EIPR1: variants seen among roughly 807,000 people sequenced by gnomAD.
EIPR1 encodes EARP complex and GARP complex interacting protein 1.
In EIPR1, 25 loss-of-function variants were observed where a neutral mutation model predicts 48.1. The observed-to-expected ratio is 0.52, with a 90% CI of 0.38 to 0.73. The LOEUF (loss-of-function observed/expected upper bound fraction) is 0.73, where lower values mean the gene tolerates loss of function less well. Among genes scored for constraint, EIPR1 ranks in the 30% least tolerant of loss-of-function variants. The pLI, the probability that EIPR1 is intolerant of heterozygous loss-of-function variation, is 0.00. For synonymous variants in EIPR1, 204 were observed against 201.9 expected (o/e 1.01, Z -0.09); for missense variants, 415 against 506.2 (o/e 0.82, Z 1.73).
chr2:3,264,988 A>G (rs1051809426), intron 3 of EIPR1, among the ~76,000 whole-genome samples: 1 of 152,210 alleles, frequency 6.6e-6, no homozygotes, highest in Non-Finnish European at 1.5e-5. Flanking sequence ...CCTGGCCCCA[A>G]TGCATTTTTC....
intron 4 of EIPR1, among the ~76,000 whole-genome samples, chr2:3,227,157 C>CAGA (rs3038687): frequency 0.91 from 137,875 of 151,990 alleles, 63,010 homozygotes; most frequent in East Asian, 0.98. Context: ...TTGGAGAGCT[C>CAGA]AGAAGACAGG....
At chr2:3,311,808 G>A (rs1355562740) in intron 3 of EIPR1, among the ~76,000 whole-genome samples, 6 of 151,748 alleles carry the variant, frequency 4.0e-5, no homozygotes, top group Non-Finnish European at 8.8e-5. Context: ...GGGGTGCTGG[G>A]CGGGGGGGCT....
chr2:3,189,280 A>C lies in EIPR1; in HGVS notation c.*54T>G. On this transcript the variant is annotated 3_prime_UTR_variant, in exon 9 of 9. Coordinates refer to ENST00000382125, the MANE Select transcript of EIPR1 (RefSeq NM_003310.5). This position sits in a 1 kb window ranked among gnomAD's most constrained non-coding sequence, Gnocchi z 4.6. ...CTCCAAAGAGCTGCGACTGTTTGAG[A>C]ATCTGCCAAGAGGAAAACCACTCAA... is the stretch of plus-strand genomic sequence containing the variant. 2.1e-6 allele frequency: 3 copies of C among 1,461,590 alleles called. No homozygotes were observed. In the Admixed American group the frequency reaches 6.6e-5, roughly 32 times the overall value. The allele number at this position is 1,461,590 out of a possible 1,614,324, so 90.5% of individuals were successfully genotyped here.
chr2:3,353,404 A>G (rs1284670942), intron 2 of EIPR1: 1 of 436,048 alleles, frequency 2.3e-6, no homozygotes, highest in African/African-American at 2.1e-5. Context: ...CATCCCACCA[A>G]ATCATCTAAC....
At chr2:3,235,522 G>C (rs938107141) in intron 4 of EIPR1, among the ~76,000 whole-genome samples, 1 of 152,218 alleles carries the variant, frequency 6.6e-6, no homozygotes, top group African/African-American at 2.4e-5. Flanking sequence ...GCTCAAGTGG[G>C]CCAGGTCCTT....
intron 4 of EIPR1, among the ~76,000 whole-genome samples, chr2:3,254,907 T>C (rs1667107006): frequency 6.6e-6 from 1 of 152,244 alleles, no homozygotes; most frequent in Non-Finnish European, 1.5e-5. Flanking sequence ...GCCAGTTTCC[T>C]GTTTGTGATA....
intron 3 of EIPR1, chr2:3,301,123 GAC>G (rs1668750697): frequency 6.6e-6 from 1 of 152,136 alleles, no homozygotes; most frequent in Non-Finnish European, 1.5e-5. Flanking sequence ...TTTGGGAAAT[GAC>G]AGTTTCTTTG....
Position 3,325,151 on chromosome 2 carries a change from C to T in EIPR1, c.259+12866G>A, listed in dbSNP as rs908100003. On this transcript the variant is annotated intron_variant, in intron 3 of 8. Transcript: ENST00000382125. ...AACTGGGCCCAAAAAGGAAAGTTGA[C>T]GAGAAGGCCAAGCTCTGGGCTCCCT... is the stretch of plus-strand genomic sequence containing the variant. Among the ~76,000 whole-genome samples the T allele has an allele frequency of 6.6e-5, 10 of 152,324 alleles. No individual in the cohort carries two copies. In the East Asian group the frequency reaches 9.7e-4, roughly 15 times the overall value.
At chr2:3,233,296 G>A (rs753950385) in intron 4 of EIPR1, among the ~76,000 whole-genome samples, 21 of 151,798 alleles carry the variant, frequency 1.4e-4, no homozygotes, top group Non-Finnish European at 2.2e-4. Context: ...GAATTCTATC[G>A]TGTGAATTTC....
chr2:3,226,959 T>G (rs2103159217), intron 4 of EIPR1, among the ~76,000 whole-genome samples: 1 of 152,362 alleles, frequency 6.6e-6, no homozygotes, highest in Non-Finnish European at 1.5e-5. Context: ...CCCAGCCCTG[T>G]GGAACTGTAA....
chr2:3,263,131 G>C (rs1667384467), intron 3 of EIPR1, among the ~76,000 whole-genome samples: 1 of 152,226 alleles, frequency 6.6e-6, no homozygotes, highest in African/African-American at 2.4e-5. Flanking sequence ...GGCGCTGTCA[G>C]ACGGCTACGC....
chr2:3,332,370 C>A (rs893860216), intron 3 of EIPR1, among the ~76,000 whole-genome samples: 1 of 152,182 alleles, frequency 6.6e-6, no homozygotes, highest in Admixed American at 6.5e-5. Context: ...AAGGGAGAAA[C>A]CCCAAGAGAA....
At position 3,336,960 on chromosome 2, in the gene EIPR1, G is replaced by T. The variant is rs541807568; in HGVS notation, c.259+1057C>A. ...AAAGGGAAGGGAAGGGAAGAGAAAAGGGAAAGGAAGGGAAAAGGGAAGGGA... is the reference window on the plus strand; with the variant it reads ...AAAGGGAAGGGAAGGGAAGAGAAAATGGAAAGGAAGGGAAAAGGGAAGGGA... On this transcript the variant is annotated intron_variant, in intron 3 of 8. Transcript: ENST00000382125. Among the ~76,000 whole-genome samples, 86 of 129,280 alleles carry T rather than the reference G, an allele frequency of 6.7e-4. 2 individuals carry two copies. The highest frequency in any genetic ancestry group is 2.6e-3 in the African/African-American group (83 of 32,144). 84.8% of individuals were successfully genotyped at this position (129,280 alleles called of 152,430 possible).
intron 4 of EIPR1, among the ~76,000 whole-genome samples, chr2:3,219,702 G>A (rs1355156500): frequency 7.0e-6 from 1 of 143,412 alleles, no homozygotes; most frequent in Non-Finnish European, 1.5e-5. Context: ...CACAACCCTG[G>A]TATACTCTAG....
intron 4 of EIPR1, among the ~76,000 whole-genome samples, chr2:3,247,590 T>C (rs1666871970): frequency 6.6e-6 from 1 of 152,186 alleles, no homozygotes; most frequent in Non-Finnish European, 1.5e-5. Context: ...AGGGCACTGG[T>C]GTAAACATGA....
At chr2:3,375,058 T>G (rs1459448930) in intron 1 of EIPR1, among the ~76,000 whole-genome samples, 2 of 150,264 alleles carry the variant, frequency 1.3e-5, no homozygotes, top group South Asian at 2.1e-4. Flanking sequence ...CCATAAAAAA[T>G]GATGAGTTCA....
chr2:3,211,508 C>T (rs562050187), intron 5 of EIPR1, among the ~76,000 whole-genome samples: 3 of 152,296 alleles, frequency 2.0e-5, no homozygotes, highest in East Asian at 3.9e-4. Flanking sequence ...CTGGACATGG[C>T]GTTGGCTGCA....
chr2:3,309,772 T>C (rs7606684), intron 3 of EIPR1, among the ~76,000 whole-genome samples: 11,409 of 152,224 alleles, frequency 0.075, 676 homozygotes, highest in Middle Eastern at 0.18. Flanking sequence ...GAGTGAAGGT[T>C]GAAGAGACCG....
chr2:3,285,855 C>T (rs1432774231), intron 3 of EIPR1, among the ~76,000 whole-genome samples: 4 of 109,694 alleles, frequency 3.6e-5, no homozygotes, highest in Admixed American at 1.8e-4. Context: ...CGACTGTCTC[C>T]GGGACCCTCG....
Sources: gnomAD v4.1 joint callset for allele counts (sites outside exome capture counted in the v4.1 genomes callset) on GRCh38, gnomAD v4.1.1 for gene constraint, Gnocchi (gnomAD v3.1) non-coding constraint, MANE v1.5 for transcripts, NCBI Gene and HGNC (gene_info 2026-07-23, HGNC 2026-07-21) for gene names.